Variants in MAML2 observed in about 807,000 individuals in gnomAD.
The protein encoded by MAML2 is mastermind like transcriptional coactivator 2, also known as mastermind-like protein 2.
Under a neutral mutation model 96.1 loss-of-function variants are expected in MAML2, and 22 were observed. That is an observed-to-expected ratio of 0.23 (90% CI 0.16 to 0.33). MAML2 has a LOEUF of 0.33. Ranked by LOEUF, MAML2 falls within the 10% of genes least tolerant of loss-of-function variation. The pLI, the probability that MAML2 is intolerant of heterozygous loss-of-function variation, is 1.00. For synonymous variants in MAML2, 561 were observed against 521.3 expected (o/e 1.08, Z -1.04); for missense variants, 1,367 against 1,392.4 (o/e 0.98, Z 0.29).
At chr11:95,983,725 GA>G (rs141007522) in intron 4 of MAML2, among the ~76,000 whole-genome samples, 11,966 of 151,708 alleles carry the variant, frequency 0.079, 963 homozygotes, top group African/African-American at 0.21. Context: ...TAAGAAAATA[GA>G]AAAAAAGCTT....
intron 2 of MAML2, among the ~76,000 whole-genome samples, chr11:96,012,177 A>T (rs1858276703): frequency 6.6e-6 from 1 of 152,212 alleles, no homozygotes; most frequent in Non-Finnish European, 1.5e-5. Context: ...CTCTGAAAGC[A>T]CCACTAGCAG....
intron 1 of MAML2, among the ~76,000 whole-genome samples, chr11:96,188,009 T>G (rs936034829): frequency 3.9e-5 from 6 of 152,188 alleles, no homozygotes; most frequent in African/African-American, 1.4e-4. Flanking sequence ...TATGGTTAAA[T>G]GGAGTTGTCC....
chr11:96,130,494 C>T (rs191056872), intron 1 of MAML2, among the ~76,000 whole-genome samples: 1 of 152,118 alleles, frequency 6.6e-6, no homozygotes, highest in Non-Finnish European at 1.5e-5. Context: ...TGTACCATGG[C>T]TTGCTGTTTT....
intron 1 of MAML2, among the ~76,000 whole-genome samples, chr11:96,110,973 A>C (rs1176851152): frequency 6.6e-6 from 1 of 152,206 alleles, no homozygotes; most frequent in African/African-American, 2.4e-5. Context: ...AGGCTCTAAT[A>C]AAGTTTGATC....
chr11:96,339,261 G>T (rs1468257187), intron 1 of MAML2, among the ~76,000 whole-genome samples: 1 of 152,142 alleles, frequency 6.6e-6, no homozygotes, highest in Non-Finnish European at 1.5e-5. Flanking sequence ...AGCCAGCTAT[G>T]GCTTCTGCAG....
At chr11:96,282,781 C>T (rs926118667) in intron 1 of MAML2, among the ~76,000 whole-genome samples, 11 of 152,168 alleles carry the variant, frequency 7.2e-5, no homozygotes, top group Non-Finnish European at 1.5e-4. Context: ...ATTTCAGAGG[C>T]AACTGTAACT....
At chr11:96,020,541 G>C (rs1190663645) in intron 2 of MAML2, among the ~76,000 whole-genome samples, 1 of 152,184 alleles carries the variant, frequency 6.6e-6, no homozygotes, top group Non-Finnish European at 1.5e-5. Context: ...TGTTAAGGGA[G>C]GGGGTGACTG....
chr11:96,074,136 T>A (rs1310848572), intron 2 of MAML2, among the ~76,000 whole-genome samples: 4 of 152,174 alleles, frequency 2.6e-5, no homozygotes, highest in African/African-American at 9.6e-5. Flanking sequence ...CATGTCCGCT[T>A]CCATACTATA....
chr11:96,048,988 C>CA (rs1809326705), intron 2 of MAML2, among the ~76,000 whole-genome samples: 1 of 152,172 alleles, frequency 6.6e-6, no homozygotes, highest in African/African-American at 2.4e-5. Flanking sequence ...TATAAGCAGA[C>CA]AAAACATGTA....
intron 2 of MAML2, among the ~76,000 whole-genome samples, chr11:96,039,248 A>C (rs1240500710): frequency 1.3e-5 from 2 of 151,302 alleles, no homozygotes; most frequent in African/African-American, 2.4e-5. Context: ...GAGCAAGACC[A>C]ACTCAGAAAA....
chr11:96,227,692 G>T (rs1303141970), intron 1 of MAML2, among the ~76,000 whole-genome samples: 1 of 152,202 alleles, frequency 6.6e-6, no homozygotes, highest in African/African-American at 2.4e-5. Flanking sequence ...TATGGTTGTT[G>T]TAAGTTTAAA....
chr11:96,187,268 C>A (rs1861589270), intron 1 of MAML2, among the ~76,000 whole-genome samples: 1 of 152,164 alleles, frequency 6.6e-6, no homozygotes, highest in Admixed American at 6.5e-5. Context: ...CACTGTTATT[C>A]CAGATTGCTG....
intron 1 of MAML2, among the ~76,000 whole-genome samples, chr11:96,178,791 T>G (rs1261190595): frequency 6.6e-6 from 1 of 152,216 alleles, no homozygotes; most frequent in Non-Finnish European, 1.5e-5. Flanking sequence ...GGTTTTGCTG[T>G]TAACTTGAAC....
intron 1 of MAML2, among the ~76,000 whole-genome samples, chr11:96,107,899 T>C (rs1860050676): frequency 6.6e-6 from 1 of 152,168 alleles, no homozygotes; most frequent in Non-Finnish European, 1.5e-5. Context: ...CCTTGCCATA[T>C]GCATCTCTTC....
intron 1 of MAML2, among the ~76,000 whole-genome samples, chr11:96,228,460 C>T (rs1456748560): frequency 6.6e-6 from 1 of 152,192 alleles, no homozygotes; most frequent in African/African-American, 2.4e-5. Flanking sequence ...CTTCCAAACA[C>T]TTTCCCCAAG....
chr11:96,052,918 C>T (rs1280746436), intron 2 of MAML2, among the ~76,000 whole-genome samples: 1 of 152,220 alleles, frequency 6.6e-6, no homozygotes, highest in East Asian at 1.9e-4. Context: ...AGAAGAAGGT[C>T]CCACCTCAGG....
intron 1 of MAML2, among the ~76,000 whole-genome samples, chr11:96,094,616 G>A (rs1859793265): frequency 6.6e-6 from 1 of 152,098 alleles, no homozygotes; most frequent in South Asian, 2.1e-4. Context: ...AAAATTTACA[G>A]AGAAAGTCTT....
intron 2 of MAML2, among the ~76,000 whole-genome samples, chr11:96,022,067 G>A (rs1426193958): frequency 6.6e-6 from 1 of 152,222 alleles, no homozygotes; most frequent in Non-Finnish European, 1.5e-5. Flanking sequence ...TAGGATGGGA[G>A]GAGCTGCCTT....
At chr11:95,991,763 T>A in intron 2 of MAML2, 40 bp from the exon 3 acceptor site, 2 of 1,508,244 alleles carry the variant, frequency 1.3e-6, no homozygotes, top group African/African-American at 1.4e-5. Flanking sequence ...TACTGTGAAT[T>A]AAAAAAAGAA....
Sources: allele counts gnomAD v4.1 joint callset (sites outside exome capture counted in the v4.1 genomes callset), GRCh38; gene constraint gnomAD v4.1.1; transcripts MANE v1.5; gene names NCBI Gene and HGNC (gene_info 2026-07-23, HGNC 2026-07-21).